KMT5A: variants seen among roughly 807,000 people sequenced by gnomAD.
KMT5A encodes the protein N-lysine methyltransferase KMT5A.
KMT5A carries 6 observed loss-of-function variants against 40.6 expected under a neutral mutation model. The ratio of observed to expected loss-of-function variants is 0.15; its 90% CI spans 0.08 to 0.29. The LOEUF is 0.29. Ranked by LOEUF, KMT5A falls within the 10% of genes least tolerant of loss-of-function variation. The pLI is 1.00. For missense variants in KMT5A, 308 were observed against 459.1 expected, an observed-to-expected ratio of 0.67 and a Z score of 3.01; for synonymous variants, 153 against 178.8, an observed-to-expected ratio of 0.86 and a Z score of 1.15.
At chr12:123,396,266 G>T in intron 4 of KMT5A, 79 bp from the exon 5 acceptor site, 6 of 1,346,540 alleles carry the variant, frequency 4.5e-6, no homozygotes, top group East Asian at 4.6e-5. Context: ...TGCCTCCTCG[G>T]TGTGTGCCTT....
chr12:123,403,709 G>A, intron 6 of KMT5A, 77 bp downstream of exon 6: 1 of 1,558,044 alleles, frequency 6.4e-7, no homozygotes, highest in East Asian at 2.2e-5. Flanking sequence ...GGCTGAGAGT[G>A]GCCACCATGT....
rs1244668662 is a variant in KMT5A, at chr12:123,405,082, C to T, written c.848+8C>T. 4 of 1,606,626 alleles carry T rather than the reference C, an allele frequency of 2.5e-6. No homozygotes were observed. The highest frequency in any genetic ancestry group is 3.4e-6 in the Non-Finnish European group (4 of 1,175,368). On this transcript the variant is annotated splice_region_variant and intron_variant, in intron 7 of 7. Coordinates refer to ENST00000402868, the MANE Select transcript of KMT5A (RefSeq NM_020382.7). The stretch of plus-strand genomic sequence containing the variant: ...TCTGAGCAAAACCTACTGGTGAGTC[C>T]ACTGTTGCTTAGAGTGGCTTTTCTG...
At position 123,409,117 on chromosome 12, in the gene KMT5A, C is replaced by T. The variant is rs530750922; in HGVS notation, c.*1414C>T. 6.6e-6 allele frequency: 1 copy of T among 152,574 alleles called. No homozygotes were observed. Among genetic ancestry groups the T allele is most frequent in the African/African-American group, 2.4e-5 (1 of 41,494 alleles). The allele number at this position is 152,574 out of a possible 1,614,324, so 9.5% of individuals were successfully genotyped here. On this transcript the variant is annotated 3_prime_UTR_variant, in exon 8 of 8. Coordinates refer to ENST00000402868, the MANE Select transcript of KMT5A (RefSeq NM_020382.7). ...GCTGTCCTCGTCTTTGATTCCCCCCCAACCCCACCTCGGGCCTCACGACGG... is the reference window on the plus strand; with the variant it reads ...GCTGTCCTCGTCTTTGATTCCCCCCTAACCCCACCTCGGGCCTCACGACGG...
chr12:123,406,288 C>CAGTGG (rs1379074424), intron 7 of KMT5A, among the ~76,000 whole-genome samples: 1 of 152,160 alleles, frequency 6.6e-6, no homozygotes, highest in Non-Finnish European at 1.5e-5. Context: ...TGGCTAGGAC[C>CAGTGG]AGTGGAGTTG....
intron 1 of KMT5A, among the ~76,000 whole-genome samples, chr12:123,386,378 G>A (rs1329366726): frequency 6.6e-6 from 1 of 151,972 alleles, no homozygotes; most frequent in Non-Finnish European, 1.5e-5. Flanking sequence ...ACCACACCCA[G>A]CTAATTTTTG....
chr12:123,395,318 G>C, intron 4 of KMT5A, 52 bp downstream of exon 4: 2 of 1,565,850 alleles, frequency 1.3e-6, no homozygotes, highest in Admixed American at 3.7e-5. Context: ...TGGTTCCTCT[G>C]ATGCCAGGGA....
intron 2 of KMT5A, 76 bp downstream of exon 2, chr12:123,389,630 TACCCGCCCGGGGC>T (rs1877126552): frequency 1.1e-6 from 1 of 935,590 alleles, no homozygotes; most frequent in African/African-American, 1.8e-5. Flanking sequence ...CGACCCCGGG[TACCCGCCCGGGGC>T]GCCCGGCCGG....
chr12:123,407,739 C>T lies in KMT5A; in HGVS notation c.*36C>T, dbSNP rs545160762. 1.9e-6 allele frequency: 3 copies of T among 1,560,996 alleles called. No individual in the cohort carries two copies. The South Asian group carries it at 3.4e-5, about 18-fold the overall frequency. ...CCGTGCCCTCCCCGCCCCACTTTCC[C>T]TTCTTCAAAGGACAAAGTGCCCTCA... On this transcript the variant is annotated 3_prime_UTR_variant, in exon 8 of 8. Coordinates refer to ENST00000402868, the MANE Select transcript of KMT5A (RefSeq NM_020382.7).
chr12:123,398,879 G>A (rs1202214272), intron 5 of KMT5A, among the ~76,000 whole-genome samples: 1 of 152,368 alleles, frequency 6.6e-6, no homozygotes, highest in East Asian at 1.9e-4. Flanking sequence ...GCCTGTTGTT[G>A]GCCAGATGGT....
At chr12:123,396,211 C>T in intron 4 of KMT5A, 134 bp from the exon 5 acceptor site, 1 of 752,774 alleles carries the variant, frequency 1.3e-6, no homozygotes, top group Non-Finnish European at 2.2e-6. Flanking sequence ...CTGCAGGCTC[C>T]AGTGGACAAA....
chr12:123,407,018 CAAAAAAAAAAAAAA>C (rs56732264), intron 7 of KMT5A, among the ~76,000 whole-genome samples: 3 of 28,504 alleles, frequency 1.1e-4, no homozygotes, highest in African/African-American at 4.6e-4. Flanking sequence ...GACTCCCTCT[CAAAAAAAAAAAAAA>C]AAAAAAAAAA....
intron 5 of KMT5A, among the ~76,000 whole-genome samples, chr12:123,397,533 T>A (rs528315373): frequency 7.2e-5 from 11 of 152,306 alleles, no homozygotes; most frequent in African/African-American, 1.2e-4. Flanking sequence ...TTAAAAAAAA[T>A]TTTTAAAAAG....
intron 1 of KMT5A, among the ~76,000 whole-genome samples, chr12:123,385,972 G>A (rs918430152): frequency 6.6e-6 from 1 of 152,102 alleles, no homozygotes; most frequent in South Asian, 2.1e-4. Context: ...GAAGCGTGAA[G>A]TCCAAACTTG....
Position 123,389,438 on chromosome 12 carries a change from A to C in KMT5A, c.16A>C (p.Lys6Gln). ...CCCCGGGTCCCCTTCTCCAGGCAGGAAGATGTCCAAGCCCCGCGCGGTGGA... is the reference window on the plus strand; with the variant it reads ...CCCCGGGTCCCCTTCTCCAGGCAGGCAGATGTCCAAGCCCCGCGCGGTGGA... MARGR[K>Q]MSKPRAVEAA... Residue 6 changes from lysine to glutamine, a missense_variant, in exon 2 of 8, where the codon AAG (lysine) becomes CAG (glutamine). Physicochemically the swap from Lys to Gln is moderately conservative, Grantham distance 53. Transcript: ENST00000402868. 1.9e-6 allele frequency: 2 copies of C among 1,064,946 alleles called. No homozygotes were observed. The highest frequency in any genetic ancestry group is 2.3e-6 in the Non-Finnish European group (2 of 886,790). 66.0% of individuals were successfully genotyped at this position (1,064,946 alleles called of 1,614,324 possible). A position where few individuals can be genotyped will look rare whatever the true frequency, so the allele number is the denominator to read the frequency against.
rs1312658726 is a variant in KMT5A at position 123,403,644 on chromosome 12, C to T, written c.657+12C>T. ...AAGAAGGAATGAAGGTAAGGGGCTG[C>T]TGTGCTTGCTGCATCATAGCTAAAG... On this transcript the variant is annotated intron_variant, in intron 6 of 7. Coordinates refer to ENST00000402868, the MANE Select transcript of KMT5A (RefSeq NM_020382.7). 6.2e-7 allele frequency: 1 copy of T among 1,614,016 alleles called. No homozygotes were observed. Among genetic ancestry groups the T allele is most frequent in the Non-Finnish European group, 8.5e-7 (1 of 1,179,962 alleles).
intron 3 of KMT5A, among the ~76,000 whole-genome samples, chr12:123,392,466 TGGG>T (rs1230950194): frequency 6.6e-5 from 10 of 152,188 alleles, no homozygotes; most frequent in African/African-American, 2.4e-4. Context: ...GAGACCAGCC[TGGG>T]CAACATAGTG....
chr12:123,395,379 C>A, intron 4 of KMT5A, 113 bp downstream of exon 4: 3 of 1,056,796 alleles, frequency 2.8e-6, no homozygotes, highest in Non-Finnish European at 4.1e-6. Context: ...CAGCCTCTCT[C>A]ATGTCAAAGA....
Position 123,390,613 on chromosome 12 carries a change from T to C in KMT5A, c.133-17T>C, listed in dbSNP as rs766915140. On this transcript the variant is annotated splice_polypyrimidine_tract_variant and intron_variant, in intron 2 of 7. Transcript: ENST00000402868. Reference sequence around the variant, plus strand: ...TCTTCTTCAAGCCTCTTTCAGAATATGCTTTTGTCTTTTTAGGAGAACGTA... The same window carrying C: ...TCTTCTTCAAGCCTCTTTCAGAATACGCTTTTGTCTTTTTAGGAGAACGTA... 6.2e-7 allele frequency: 1 copy of C among 1,612,384 alleles called. No homozygotes were observed. The highest frequency in any genetic ancestry group is 2.2e-5 in the East Asian group (1 of 44,864).
intron 5 of KMT5A, among the ~76,000 whole-genome samples, 161 bp from the exon 6 acceptor site, chr12:123,403,412 G>A (rs1479460627): frequency 6.6e-6 from 1 of 152,238 alleles, no homozygotes; most frequent in Admixed American, 6.5e-5. Flanking sequence ...GATACTTGGG[G>A]GCTTTGCCAT....
Sources: allele counts gnomAD v4.1 joint callset (sites outside exome capture counted in the v4.1 genomes callset), GRCh38; gene constraint gnomAD v4.1.1; transcripts MANE v1.5; gene names NCBI Gene and HGNC (gene_info 2026-07-23, HGNC 2026-07-21).